The following SLC35D4 variants were observed in gnomAD, a reference collection of about 807,000 sequenced individuals.
The protein encoded by SLC35D4 is UDP-N-acetylglucosamine transporter SLC35D4.
the SLC35D4 span, among the ~76,000 whole-genome samples, chr18:23,331,883 C>CT: frequency 0.58 from 60,049 of 102,914 alleles, 19,300 homozygotes; most frequent in Middle Eastern, 0.73. Flanking sequence ...TTGAACATGT[C>CT]TTTTTTTTTT....
the SLC35D4 span, among the ~76,000 whole-genome samples, chr18:23,351,436 AAAC>A: frequency 0.041 from 43 of 1,056 alleles, no homozygotes; most frequent in South Asian, 0.46. Context: ...ACAAAAACAA[AAAC>A]AAAAAAATGC....
At chr18:23,406,937 C>T in the SLC35D4 span, among the ~76,000 whole-genome samples, 4 of 152,210 alleles carry the variant, frequency 2.6e-5, no homozygotes, top group African/African-American at 9.6e-5. Context: ...TCCTAAGTAG[C>T]TGGGACTACA....
the SLC35D4 span, chr18:23,371,342 G>A: frequency 1.0e-5 from 12 of 1,168,260 alleles, no homozygotes; most frequent in Non-Finnish European, 1.4e-5. Flanking sequence ...GGATCCACTT[G>A]CCTTGGCCTC....
the SLC35D4 span, chr18:23,331,366 T>C: frequency 6.5e-3 from 979 of 151,706 alleles, 10 homozygotes; most frequent in African/African-American, 0.023. Context: ...CAGCAAGGTG[T>C]CCTTTTCCCA....
At chr18:23,264,299 A>C in the SLC35D4 span, among the ~76,000 whole-genome samples, 4 of 150,012 alleles carry the variant, frequency 2.7e-5, no homozygotes, top group Admixed American at 2.6e-4. Context: ...GGGAACAGGC[A>C]CGCTACACAG....
At chr18:23,408,283 G>A in the SLC35D4 span, among the ~76,000 whole-genome samples, 1 of 152,058 alleles carries the variant, frequency 6.6e-6, no homozygotes, top group Non-Finnish European at 1.5e-5. Context: ...CAACTAGAAT[G>A]CCAGTTCCAC....
At chr18:23,298,695 AT>A in the SLC35D4 span, among the ~76,000 whole-genome samples, 1 of 152,174 alleles carries the variant, frequency 6.6e-6, no homozygotes, top group Non-Finnish European at 1.5e-5. Flanking sequence ...TCCACTTTCT[AT>A]TTTGAACCTC....
chr18:23,269,157 C>T, the SLC35D4 span, among the ~76,000 whole-genome samples: 2 of 152,166 alleles, frequency 1.3e-5, no homozygotes, highest in Non-Finnish European at 2.9e-5. Context: ...TTGGCTGTGT[C>T]CCCACCCAAA....
chr18:23,285,633 C>T, the SLC35D4 span, among the ~76,000 whole-genome samples: 2 of 152,090 alleles, frequency 1.3e-5, no homozygotes, highest in African/African-American at 2.4e-5. Flanking sequence ...TCCGCCTGTC[C>T]CCTCAGTCCC....
chr18:23,323,525 TCA>T, the SLC35D4 span, among the ~76,000 whole-genome samples: 52 of 152,304 alleles, frequency 3.4e-4, no homozygotes, highest in East Asian at 0.01. Flanking sequence ...CCAAGTCTGG[TCA>T]CACTCAGTTT....
At chr18:23,363,364 A>ATTTTTTTTTTTTT in the SLC35D4 span, among the ~76,000 whole-genome samples, 3 of 90,460 alleles carry the variant, frequency 3.3e-5, no homozygotes, top group African/African-American at 1.5e-4. Flanking sequence ...ACAAAAGCAC[A>ATTTTTTTTTTTTT]TTTTTTTTTT....
At chr18:23,292,526 A>T in the SLC35D4 span, among the ~76,000 whole-genome samples, 1 of 152,244 alleles carries the variant, frequency 6.6e-6, no homozygotes, top group African/African-American at 2.4e-5. Flanking sequence ...CATGGCCTTC[A>T]GGAAGAGTCA....
the SLC35D4 span, among the ~76,000 whole-genome samples, chr18:23,325,062 G>A: frequency 6.6e-6 from 1 of 152,090 alleles, no homozygotes; most frequent in Non-Finnish European, 1.5e-5. Flanking sequence ...CCCCGTGTGT[G>A]TCTGTGAGAC....
the SLC35D4 span, chr18:23,437,877 G>C: frequency 1.2e-6 from 2 of 1,602,350 alleles, no homozygotes; most frequent in Non-Finnish European, 1.7e-6. Flanking sequence ...CCTTCTCGGG[G>C]ATCCACGGTG....
chr18:23,293,200 C>T, the SLC35D4 span, among the ~76,000 whole-genome samples: 98 of 152,198 alleles, frequency 6.4e-4, no homozygotes, highest in African/African-American at 2.2e-3. Context: ...GCCGAGATCG[C>T]GCCATTGCAC....
chr18:23,285,503 T>A, the SLC35D4 span, among the ~76,000 whole-genome samples: 1 of 152,122 alleles, frequency 6.6e-6, no homozygotes, highest in Non-Finnish European at 1.5e-5. Context: ...TCTAAATAAT[T>A]CTTGTCGTAA....
At chr18:23,246,637 C>T in the SLC35D4 span, among the ~76,000 whole-genome samples, 39 of 151,684 alleles carry the variant, frequency 2.6e-4, no homozygotes, top group Admixed American at 7.2e-4. Flanking sequence ...GTGATCCGCC[C>T]ACCTTGGCCT....
At chr18:23,389,372 T>C in the SLC35D4 span, among the ~76,000 whole-genome samples, 16 of 152,190 alleles carry the variant, frequency 1.1e-4, no homozygotes, top group African/African-American at 3.4e-4. Context: ...AGTAAACCTA[T>C]GCCTTTTTTA....
chr18:23,298,545 G>A, the SLC35D4 span, among the ~76,000 whole-genome samples: 1 of 152,170 alleles, frequency 6.6e-6, no homozygotes, highest in African/African-American at 2.4e-5. Flanking sequence ...TACAAGTGGG[G>A]AATCATAATT....
Sources: gnomAD v4.1 joint callset for allele counts (sites outside exome capture counted in the v4.1 genomes callset) on GRCh38, gnomAD v4.1.1 for gene constraint, MANE v1.5 for transcripts, NCBI Gene and HGNC (gene_info 2026-07-23, HGNC 2026-07-21) for gene names.